Variants in RAPH1 observed in about 807,000 individuals in gnomAD.
The protein encoded by RAPH1 is Ras association (RalGDS/AF-6) and pleckstrin homology domains 1.
RAPH1 carries 18 observed loss-of-function variants against 88.1 expected under a neutral mutation model. The observed-to-expected ratio is 0.20, with a 90% CI of 0.14 to 0.30. RAPH1 has a LOEUF of 0.30. Ranked by LOEUF, RAPH1 falls within the 10% of genes least tolerant of loss-of-function variation. The pLI is 1.00. For missense variants in RAPH1, 1,448 were observed against 1,543.2 expected, an observed-to-expected ratio of 0.94 and a Z score of 1.03; for synonymous variants, 587 against 559.0, an observed-to-expected ratio of 1.05 and a Z score of -0.71.
At chr2:203,509,004 TAGAA>T (rs1299843279) in intron 1 of RAPH1, among the ~76,000 whole-genome samples, 1 of 151,990 alleles carries the variant, frequency 6.6e-6, no homozygotes, top group African/African-American at 2.4e-5. Flanking sequence ...TTTAGCATCT[TAGAA>T]AGATATTTAT....
chr2:203,503,424 G>A (rs1581373662), intron 1 of RAPH1, among the ~76,000 whole-genome samples: 1 of 152,016 alleles, frequency 6.6e-6, no homozygotes, highest in African/African-American at 2.4e-5. Flanking sequence ...AAGCAAAAGT[G>A]GAAACCCATG....
intron 1 of RAPH1, among the ~76,000 whole-genome samples, chr2:203,508,765 A>T (rs1433096940): frequency 6.6e-6 from 1 of 152,218 alleles, no homozygotes; most frequent in Non-Finnish European, 1.5e-5. Context: ...TTAGGAAAAC[A>T]GTGTGTTAAC....
chr2:203,499,920 G>T (rs1335728042), intron 1 of RAPH1, among the ~76,000 whole-genome samples: 1 of 152,098 alleles, frequency 6.6e-6, no homozygotes, highest in Non-Finnish European at 1.5e-5. Context: ...TTTCTTATAG[G>T]CTGGGCACCA....
intron 2 of RAPH1, among the ~76,000 whole-genome samples, chr2:203,494,809 CAA>C (rs1219525479): frequency 8.1e-5 from 4 of 49,562 alleles, no homozygotes; most frequent in Non-Finnish European, 1.3e-4. Context: ...GACTCCGTCT[CAA>C]AAAAAAAAAA....
At chr2:203,508,049 T>A (rs866011947) in intron 1 of RAPH1, among the ~76,000 whole-genome samples, 3 of 143,292 alleles carry the variant, frequency 2.1e-5, no homozygotes, top group Non-Finnish European at 4.6e-5. Context: ...CATCCCTACT[T>A]AAAAAAAAAA....
chr2:203,525,602 C>G (rs1004470328), intron 1 of RAPH1, among the ~76,000 whole-genome samples: 37 of 152,042 alleles, frequency 2.4e-4, no homozygotes, highest in African/African-American at 8.7e-4. Context: ...AACCCCATCT[C>G]TACTACAAAT....
chr2:203,439,899 G>A lies in RAPH1; in HGVS notation c.3291C>T (p.Thr1097=), dbSNP rs2098501719. ...GATTAACGACTGCCACTTTTGGAGAGGTGTTTCCCGAGAAAACTGCTGGAA... is the reference window on the plus strand; with the variant it reads ...GATTAACGACTGCCACTTTTGGAGAAGTGTTTCCCGAGAAAACTGCTGGAA... ...IEIPAVFSGN[T]SPKVAVVNPQ... The change falls in exon 14 of 14, where the codon ACC becomes ACT. Residue 1097 remains threonine (T), a synonymous_variant. Coordinates refer to ENST00000319170, the MANE Select transcript of RAPH1 (RefSeq NM_213589.3). 1.2e-6 allele frequency: 2 copies of A among 1,613,984 alleles called. No individual in the cohort carries two copies. Among genetic ancestry groups the A allele is most frequent in the South Asian group, 1.1e-5 (1 of 91,072 alleles).
intron 1 of RAPH1, among the ~76,000 whole-genome samples, chr2:203,523,392 CAA>C (rs372951126): frequency 6.0e-5 from 6 of 99,382 alleles, no homozygotes; most frequent in Non-Finnish European, 6.2e-5. Context: ...GACTCTGTCT[CAA>C]AAAAAAAAAA....
At position 203,518,964 on chromosome 2, in the gene RAPH1, C is replaced by A. The variant is rs1312663295; in HGVS notation, c.-1+16147G>T. On this transcript the variant is annotated intron_variant, in intron 1 of 13. Transcript: ENST00000319170. Reference sequence around the variant, plus strand: ...TTGTCAAAACTCAAACAAGAATAGACAATCTGAATAGGCCTGTACCTACTA... The same window carrying A: ...TTGTCAAAACTCAAACAAGAATAGAAAATCTGAATAGGCCTGTACCTACTA... Among the ~76,000 whole-genome samples, 9 of 152,284 alleles carry A rather than the reference C, an allele frequency of 5.9e-5. No individual in the cohort carries two copies. In the East Asian group the frequency reaches 1.7e-3, roughly 29 times the overall value.
chr2:203,504,486 G>A (rs558909465), intron 1 of RAPH1, among the ~76,000 whole-genome samples: 31 of 152,160 alleles, frequency 2.0e-4, no homozygotes, highest in Non-Finnish European at 3.7e-4. Context: ...GCTGCACACA[G>A]CACAGGGATC....
intron 1 of RAPH1, among the ~76,000 whole-genome samples, chr2:203,496,448 G>GT (rs1396584667): frequency 6.6e-6 from 1 of 152,084 alleles, no homozygotes; most frequent in African/African-American, 2.4e-5. Flanking sequence ...ATAAAACAAT[G>GT]TAAGATCAAT....
At chr2:203,455,798 A>G (rs1471082225) in intron 8 of RAPH1, among the ~76,000 whole-genome samples, 2 of 151,746 alleles carry the variant, frequency 1.3e-5, no homozygotes, top group East Asian at 1.9e-4. Context: ...ACTTGAGGTC[A>G]GGAGTTCAAG....
chr2:203,469,210 G>A (rs537409843), intron 4 of RAPH1, among the ~76,000 whole-genome samples: 3 of 151,960 alleles, frequency 2.0e-5, no homozygotes, highest in African/African-American at 4.8e-5. Flanking sequence ...AATAGAGAAC[G>A]AAGAGGGAAG....
chr2:203,476,774 T>C (rs1249825691), intron 4 of RAPH1, among the ~76,000 whole-genome samples: 2 of 152,166 alleles, frequency 1.3e-5, no homozygotes, highest in African/African-American at 4.8e-5. Flanking sequence ...CAATTCAATT[T>C]GTTAGTATCT....
At chr2:203,457,508 A>G (rs1462205466) in intron 8 of RAPH1, 22 bp downstream of exon 8, 1 of 1,598,986 alleles carries the variant, frequency 6.3e-7, no homozygotes, top group Admixed American at 1.7e-5. Flanking sequence ...TTAAATGTGC[A>G]GGAAAATGGG....
chr2:203,506,514 C>T (rs557718278), intron 1 of RAPH1, among the ~76,000 whole-genome samples: 116 of 149,840 alleles, frequency 7.7e-4, no homozygotes, highest in Middle Eastern at 3.4e-3. Flanking sequence ...AGCGAGACTC[C>T]GTCTCAAAAA....
chr2:203,513,295 T>C (rs1400992177), intron 1 of RAPH1, among the ~76,000 whole-genome samples: 2 of 151,764 alleles, frequency 1.3e-5, no homozygotes, highest in Non-Finnish European at 2.9e-5. Context: ...ATTTCTACTA[T>C]TTAATTACTG....
chr2:203,535,258 G>GTGAC lies in RAPH1; in HGVS notation c.-152_-149dup, dbSNP rs373101454. 24,699 of 146,514 alleles carry GTGAC rather than the reference G, an allele frequency of 0.17. 2,323 individuals are homozygous for GTGAC. Among genetic ancestry groups the GTGAC allele is most frequent in the African/African-American group, 0.24 (9,742 of 40,074 alleles). 9.1% of individuals were successfully genotyped at this position (146,514 alleles called of 1,614,324 possible). ...CAGCAGCTCCCGCGCCGCGCGCTCA[G>GTGAC]TGACTGACTGACTGACTGACTGACT... On this transcript the variant is annotated 5_prime_UTR_variant, in exon 1 of 14. Transcript: ENST00000319170.
rs777719192 is a variant in RAPH1, at chr2:203,440,260, C to T, written c.2930G>A (p.Arg977His). Residue 977 changes from arginine (R) to histidine (H), a missense_variant, in exon 14 of 14, where the codon CGC becomes CAC. By Grantham distance (29) the Arg-to-His change is conservative. Around this residue, in one of 2 missense-constraint regions of RAPH1, gnomAD observed 935 missense variants for 890.1 expected, o/e 1.05. Transcript: ENST00000319170. ...ACTGCTGGATTTAATGCTGGAGTTGCGCTGTGGGGTTGGGGGTGGTTTCTT... is the reference window on the plus strand; with the variant it reads ...ACTGCTGGATTTAATGCTGGAGTTGTGCTGTGGGGTTGGGGGTGGTTTCTT... Reference protein sequence around the residue: ...GGKKPPPTPQRNSSIKSSSGA... With the variant: ...GGKKPPPTPQHNSSIKSSSGA... The T allele has an allele frequency of 2.8e-5, 45 of 1,613,704 alleles. No individual in the cohort carries two copies. Among genetic ancestry groups the T allele is most frequent in the Middle Eastern group, 1.6e-4 (1 of 6,084 alleles).
Sources: allele counts gnomAD v4.1 joint callset (sites outside exome capture counted in the v4.1 genomes callset), GRCh38; gene constraint gnomAD v4.1.1; regional missense constraint gnomAD v4.1.1; transcripts MANE v1.5; gene names NCBI Gene and HGNC (gene_info 2026-07-23, HGNC 2026-07-21).